The following SYN3 variants were observed in gnomAD, a reference collection of about 807,000 sequenced individuals.
The protein encoded by SYN3 is synapsin-3.
A neutral mutation model predicts 65.8 loss-of-function variants in SYN3; 35 were observed. The ratio of observed to expected loss-of-function variants is 0.53; its 90% CI spans 0.41 to 0.70. The LOEUF is 0.70. Among genes scored for constraint, SYN3 ranks in the 30% least tolerant of loss-of-function variants. The pLI, the probability that SYN3 is intolerant of heterozygous loss-of-function variation, is 0.00. For synonymous variants in SYN3, 270 were observed against 292.9 expected (o/e 0.92, Z 0.80); for missense variants, 680 against 749.0 (o/e 0.91, Z 1.08).
intron 6 of SYN3, among the ~76,000 whole-genome samples, chr22:32,772,524 C>A (rs1043576400): frequency 6.6e-6 from 1 of 152,092 alleles, no homozygotes; most frequent in Non-Finnish European, 1.5e-5. Flanking sequence ...CTCCCTCCAC[C>A]AATGATATCC....
chr22:32,572,433 T>TC (rs1192484808), intron 7 of SYN3, among the ~76,000 whole-genome samples: 1 of 105,390 alleles, frequency 9.5e-6, no homozygotes, highest in East Asian at 3.2e-4. Flanking sequence ...CTTCCTTCCT[T>TC]CCTTCCCTCC....
At chr22:32,790,653 C>G (rs2046305250) in intron 6 of SYN3, among the ~76,000 whole-genome samples, 1 of 152,134 alleles carries the variant, frequency 6.6e-6, no homozygotes, top group African/African-American at 2.4e-5. Flanking sequence ...TCTCAAACTC[C>G]TGGCATCAAG....
chr22:32,839,134 T>C (rs974674059), intron 6 of SYN3, among the ~76,000 whole-genome samples: 1 of 151,924 alleles, frequency 6.6e-6, no homozygotes, highest in Non-Finnish European at 1.5e-5. Flanking sequence ...CAGGTTCATA[T>C]AGTGATGGGG....
At chr22:32,520,812 G>A (rs541379503) in intron 12 of SYN3, among the ~76,000 whole-genome samples, 17 of 152,122 alleles carry the variant, frequency 1.1e-4, no homozygotes, top group Non-Finnish European at 2.4e-4. Flanking sequence ...CTGGCACCAG[G>A]AGCCTCAGGT....
intron 6 of SYN3, among the ~76,000 whole-genome samples, chr22:32,639,934 A>G (rs1039643086): frequency 2.6e-5 from 4 of 152,154 alleles, no homozygotes; most frequent in African/African-American, 7.2e-5. Flanking sequence ...ATAAAGTCCT[A>G]TCCTCTTCCC....
At chr22:32,660,529 T>C (rs1375582995) in intron 6 of SYN3, among the ~76,000 whole-genome samples, 2 of 152,190 alleles carry the variant, frequency 1.3e-5, no homozygotes, top group African/African-American at 4.8e-5. Context: ...GGCCCATTCA[T>C]ACTGATCTTC....
rs2046570054 is a variant in SYN3 at position 32,801,384 on chromosome 22, G to A, written c.711+63531C>T. The stretch of plus-strand genomic sequence containing the variant: ...TGGTTTGGGTCAGAGACACCCAGTG[G>A]CCCAGGTGGGCGTGGGGCCAGGGCG... On this transcript the variant is annotated intron_variant, in intron 6 of 13. Transcript: ENST00000358763. This position sits in a 1 kb window ranked among gnomAD's most constrained non-coding sequence, Gnocchi z 4.7. Among the ~76,000 whole-genome samples the A allele has an allele frequency of 6.6e-6, 1 of 152,226 alleles. No individual in the cohort carries two copies.
intron 4 of SYN3, among the ~76,000 whole-genome samples, chr22:32,880,238 C>T (rs545345073): frequency 1.6e-4 from 25 of 152,310 alleles, no homozygotes; most frequent in Non-Finnish European, 3.2e-4. Flanking sequence ...CCCCAAACCC[C>T]TGTAAAGTAG....
intron 6 of SYN3, chr22:32,859,425 C>T (rs1391592552): frequency 6.4e-7 from 1 of 1,574,356 alleles, no homozygotes. Context: ...CGCTGAGCTT[C>T]CCTTGGACAC....
chr22:32,947,175 T>A (rs1465460113), intron 3 of SYN3, among the ~76,000 whole-genome samples: 1 of 152,228 alleles, frequency 6.6e-6, no homozygotes, highest in Non-Finnish European at 1.5e-5. Flanking sequence ...ACTCTCTTCA[T>A]CTTTCAATTA....
chr22:33,052,189 C>G (rs1001270672), intron 1 of SYN3, among the ~76,000 whole-genome samples: 1 of 152,202 alleles, frequency 6.6e-6, no homozygotes. Context: ...CTCCTTCCCA[C>G]CAGGCCCACT....
At chr22:32,692,043 T>C (rs2060667826) in intron 6 of SYN3, among the ~76,000 whole-genome samples, 1 of 149,418 alleles carries the variant, frequency 6.7e-6, no homozygotes, top group African/African-American at 2.5e-5. Flanking sequence ...ACAACTGGGG[T>C]AATTGGTAGC....
chr22:32,827,057 C>A (rs1029709673), intron 6 of SYN3, among the ~76,000 whole-genome samples: 46 of 152,328 alleles, frequency 3.0e-4, no homozygotes, highest in African/African-American at 1.1e-3. Context: ...TGGAGTTTTG[C>A]TGATCATTGA....
intron 9 of SYN3, among the ~76,000 whole-genome samples, chr22:32,537,254 G>A (rs1043185174): frequency 6.6e-6 from 1 of 151,976 alleles, no homozygotes; most frequent in South Asian, 2.1e-4. Context: ...CCGCCTCCTG[G>A]GTTCAAGTGA....
chr22:32,654,943 G>A (rs1280219175), intron 6 of SYN3, among the ~76,000 whole-genome samples: 1 of 152,232 alleles, frequency 6.6e-6, no homozygotes, highest in Non-Finnish European at 1.5e-5. Flanking sequence ...TCTAGAGCAG[G>A]AAAGGAAGCC....
chr22:32,662,244 C>G (rs1680231287), intron 6 of SYN3, among the ~76,000 whole-genome samples: 1 of 145,258 alleles, frequency 6.9e-6, no homozygotes, highest in Non-Finnish European at 1.5e-5. Flanking sequence ...TCTCAGATGC[C>G]TTAGTTCTAT....
chr22:32,633,604 G>C lies in SYN3; in HGVS notation c.712-36868C>G, dbSNP rs74279770. ...CAGATTTTGACCTCCGAGGCAGAGGGAGCAAGGAAAGGAAAAATAATCTTT... is the reference window on the plus strand; with the variant it reads ...CAGATTTTGACCTCCGAGGCAGAGGCAGCAAGGAAAGGAAAAATAATCTTT... On this transcript the variant is annotated intron_variant, in intron 6 of 13. Transcript: ENST00000358763. Among the ~76,000 whole-genome samples the C allele has an allele frequency of 1.8e-4, 28 of 152,234 alleles. No homozygotes were observed. In the East Asian group the frequency reaches 5.4e-3, roughly 29 times the overall value.
chr22:33,001,147 T>C (rs1213621624), intron 2 of SYN3, among the ~76,000 whole-genome samples: 1 of 152,112 alleles, frequency 6.6e-6, no homozygotes, highest in African/African-American at 2.4e-5. Flanking sequence ...ACTTCTCCCC[T>C]TTTTCACCCA....
intron 1 of SYN3, among the ~76,000 whole-genome samples, chr22:33,033,655 G>A (rs1281014392): frequency 6.6e-6 from 1 of 152,120 alleles, no homozygotes; most frequent in Admixed American, 6.5e-5. Flanking sequence ...GGGACTCTGG[G>A]TGTCCAGGAG....
Sources: gnomAD v4.1 joint callset for allele counts (sites outside exome capture counted in the v4.1 genomes callset) on GRCh38, gnomAD v4.1.1 for gene constraint, Gnocchi (gnomAD v3.1) non-coding constraint, MANE v1.5 for transcripts, NCBI Gene and HGNC (gene_info 2026-07-23, HGNC 2026-07-21) for gene names.